PECR: variants seen among roughly 807,000 people sequenced by gnomAD.
PECR encodes the protein 2,4-dienoyl-CoA reductase-related protein.
A neutral mutation model predicts 35.3 loss-of-function variants in PECR; 30 were observed. The observed-to-expected ratio is 0.85, with a 90% CI of 0.64 to 1.15. The LOEUF (loss-of-function observed/expected upper bound fraction) is 1.15, where lower values mean the gene tolerates loss of function less well. Ranked by LOEUF, PECR falls within the 50% of genes most tolerant of loss-of-function variation. PECR has a pLI of 0.00. For synonymous variants in PECR, 148 were observed against 138.9 expected, an observed-to-expected ratio of 1.07 and a Z score of -0.46; for missense variants, 392 against 370.8, an observed-to-expected ratio of 1.06 and a Z score of -0.47.
At chr2:216,042,580 C>T (rs187976877) in intron 7 of PECR, among the ~76,000 whole-genome samples, 2 of 152,044 alleles carry the variant, frequency 1.3e-5, no homozygotes, top group East Asian at 1.9e-4. Flanking sequence ...GAGTTATTAG[C>T]TTAGATAAAC....
chr2:216,048,859 A>G (rs1409352439), intron 6 of PECR, among the ~76,000 whole-genome samples: 1 of 151,702 alleles, frequency 6.6e-6, no homozygotes, highest in Non-Finnish European at 1.5e-5. Context: ...AAAAAAAAAA[A>G]AAAAAAACCG....
chr2:216,035,162 C>A (rs1005871930), downstream of PECR, among the ~76,000 whole-genome samples: 1 of 152,200 alleles, frequency 6.6e-6, no homozygotes, highest in East Asian at 1.9e-4. Flanking sequence ...CCTGAGCCAG[C>A]GGGCTCTGAA....
intron 7 of PECR, among the ~76,000 whole-genome samples, chr2:216,042,789 G>C (rs4674051): frequency 0.72 from 108,751 of 151,382 alleles, 39,172 homozygotes; most frequent in Admixed American, 0.75. Context: ...CAGAGTCTTG[G>C]TTTATCTCCC....
chr2:216,081,352 G>A (rs1363370217), intron 1 of PECR, among the ~76,000 whole-genome samples: 12 of 152,214 alleles, frequency 7.9e-5, no homozygotes, highest in Admixed American at 7.9e-4. Context: ...TGCACAGCAT[G>A]TTTCACTGCT....
At chr2:216,033,010 T>C (rs1358501957) in intron 7 of PECR, 1 of 152,240 alleles carries the variant, frequency 6.6e-6, no homozygotes, top group Non-Finnish European at 1.5e-5. Context: ...TGAATACAAA[T>C]AATTCATTCA....
rs1695445106 is a variant in PECR at position 216,065,419 on chromosome 2, T to G, written c.317A>C (p.Asn106Thr). 8 of 1,607,544 alleles carry G rather than the reference T, an allele frequency of 5.0e-6. No individual in the cohort carries two copies. In the African/African-American group the frequency reaches 6.7e-5, roughly 13 times the overall value. Residue 106 changes from asparagine to threonine, a missense_variant, in exon 3 of 8, where the codon AAC (asparagine) becomes ACC (threonine). Physicochemically the swap from Asn to Thr is moderately conservative, Grantham distance 65 (BLOSUM62 0). Coordinates refer to ENST00000265322, the MANE Select transcript of PECR (RefSeq NM_018441.6). ...DTFGKINFLV[N>T]NGGGQFLSPA... The stretch of plus-strand genomic sequence containing the variant: ...GGAAAGAAACTGGCCTCCTCCATTG[T>G]TCACCAAGAAATTGATCTTACCAAA...
At chr2:216,040,503 C>G (rs1694868330) in intron 7 of PECR, among the ~76,000 whole-genome samples, 1 of 152,190 alleles carries the variant, frequency 6.6e-6, no homozygotes. Context: ...ATTGGCCCAC[C>G]TTTGCCTCCC....
chr2:216,040,167 T>C (rs1432685493), intron 7 of PECR, among the ~76,000 whole-genome samples: 2 of 152,232 alleles, frequency 1.3e-5, no homozygotes, highest in African/African-American at 4.8e-5. Flanking sequence ...AGTCAAGTCT[T>C]ACCTGTTTTT....
chr2:216,068,957 G>A lies in PECR; in HGVS notation c.125-2439C>T, dbSNP rs113837199. On this transcript the variant is annotated intron_variant, in intron 1 of 7. Coordinates refer to ENST00000265322, the MANE Select transcript of PECR (RefSeq NM_018441.6). ...CAAAAATAATAACAACATATTGTAAGATTTATAACATATGTAGAAATAAAA... is the reference window on the plus strand; with the variant it reads ...CAAAAATAATAACAACATATTGTAAAATTTATAACATATGTAGAAATAAAA... Among the ~76,000 whole-genome samples, 646 of 152,112 alleles carry A rather than the reference G, an allele frequency of 4.2e-3. 3 individuals are homozygous for A. The highest frequency in any genetic ancestry group is 0.011 in the South Asian group (51 of 4,816).
rs1409184914 is a variant in PECR at position 216,066,468 on chromosome 2, C to T, written c.175G>A (p.Ala59Thr). ...GGTAGGTTGGCCTGCAGTTCATCTGCCGCAGACTTCAATCTCTCCAACTTA... is the reference window on the plus strand; with the variant it reads ...GGTAGGTTGGCCTGCAGTTCATCTGTCGCAGACTTCAATCTCTCCAACTTA... ...SRKLERLKSA[A>T]DELQANLPPT... The change falls in exon 2 of 8, where the codon GCA becomes ACA. Residue 59 changes from alanine (A) to threonine (T), a missense_variant. Transcript: ENST00000265322. 6.2e-7 allele frequency: 1 copy of T among 1,613,394 alleles called. No individual in the cohort carries two copies. Among genetic ancestry groups the T allele is most frequent in the African/African-American group, 1.3e-5 (1 of 74,900 alleles).
intron 6 of PECR, among the ~76,000 whole-genome samples, chr2:216,044,256 A>G (rs1199661687): frequency 6.6e-6 from 1 of 152,174 alleles, no homozygotes; most frequent in Non-Finnish European, 1.5e-5. Context: ...GGTATGAGGG[A>G]GCCTTAGACG....
intron 6 of PECR, among the ~76,000 whole-genome samples, chr2:216,046,680 C>G (rs776609777): frequency 1.3e-5 from 2 of 152,056 alleles, no homozygotes; most frequent in African/African-American, 4.8e-5. Flanking sequence ...AAATATTACT[C>G]TTAGTTTTCA....
At chr2:216,048,645 A>G (rs10210179) in intron 6 of PECR, among the ~76,000 whole-genome samples, 113,599 of 151,494 alleles carry the variant, frequency 0.75, 42,734 homozygotes, top group African/African-American at 0.79. Flanking sequence ...AGGAGGTGGA[A>G]GTTCCAGTGG....
intron 4 of PECR, among the ~76,000 whole-genome samples, chr2:216,055,474 C>CAA (rs374204106): frequency 1.3e-5 from 2 of 148,492 alleles, no homozygotes; most frequent in Non-Finnish European, 3.0e-5. Context: ...AACAAACAAA[C>CAA]AAAAAAAAAC....
At chr2:216,047,190 A>G (rs899471309) in intron 6 of PECR, among the ~76,000 whole-genome samples, 1 of 151,574 alleles carries the variant, frequency 6.6e-6, no homozygotes, top group East Asian at 1.9e-4. Context: ...CCCAGGAGGT[A>G]GAGGTTGTGG....
chr2:216,044,835 G>A (rs1288517839), intron 6 of PECR, among the ~76,000 whole-genome samples: 2 of 152,212 alleles, frequency 1.3e-5, no homozygotes, highest in African/African-American at 4.8e-5. Context: ...GACTTGTAAA[G>A]GAGCTCTCAC....
chr2:216,055,075 G>A (rs1695197650), intron 4 of PECR, among the ~76,000 whole-genome samples: 1 of 147,394 alleles, frequency 6.8e-6, no homozygotes, highest in Non-Finnish European at 1.5e-5. Context: ...TTGCACCACT[G>A]CACTCCAGCC....
intron 1 of PECR, among the ~76,000 whole-genome samples, chr2:216,074,391 A>AG (rs1695644153): frequency 6.6e-6 from 1 of 152,066 alleles, no homozygotes; most frequent in Admixed American, 6.6e-5. Context: ...GGTTGCAGTG[A>AG]GGCAAGATTG....
At chr2:216,051,281 C>CAAAA (rs147574036) in intron 5 of PECR, among the ~76,000 whole-genome samples, 168 bp downstream of exon 5, 25 of 93,164 alleles carry the variant, frequency 2.7e-4, no homozygotes, top group African/African-American at 7.6e-4. Context: ...GACTCCATCT[C>CAAAA]AAAAAAAAAA....
Sources: allele counts gnomAD v4.1 joint callset (sites outside exome capture counted in the v4.1 genomes callset), GRCh38; gene constraint gnomAD v4.1.1; transcripts MANE v1.5; gene names NCBI Gene and HGNC (gene_info 2026-07-23, HGNC 2026-07-21).